Variants in TMIGD3 observed in about 807,000 individuals in gnomAD.
The protein encoded by TMIGD3 is AD026 protein (AD026).
A neutral mutation model predicts 28.1 loss-of-function variants in TMIGD3; 21 were observed. The observed-to-expected ratio is 0.75, with a 90% CI of 0.53 to 1.08. TMIGD3 has a LOEUF of 1.08. Among genes scored for constraint, TMIGD3 ranks in the 50% least tolerant of loss-of-function variants. TMIGD3 has a pLI of 0.00. For synonymous variants in TMIGD3, 151 were observed against 162.1 expected (o/e 0.93, Z 0.52); for missense variants, 416 against 435.6 (o/e 0.96, Z 0.40).
intron 1 of TMIGD3, among the ~76,000 whole-genome samples, chr1:111,549,378 G>A (rs1472365168): frequency 6.7e-6 from 1 of 150,236 alleles, no homozygotes; most frequent in African/African-American, 2.5e-5. Context: ...GCTGGGCACG[G>A]TGGCTCACGC....
intron 1 of TMIGD3, among the ~76,000 whole-genome samples, chr1:111,537,148 T>C (rs1254676078): frequency 1.3e-5 from 2 of 152,232 alleles, no homozygotes; most frequent in Non-Finnish European, 2.9e-5. Context: ...GAGTCATGTA[T>C]CACCTGCTCT....
Position 111,503,529 on chromosome 1 carries a change from C to A in TMIGD3, c.-175G>T. ...TCTGGTGGGGTGATCTCTTGGAAAC[C>A]CTTCTCCTTAGAAAGGGCTCATCAC... On this transcript the variant is annotated 5_prime_UTR_variant, in exon 1 of 6. Transcript: ENST00000369716. 2 of 1,424,972 alleles carry A rather than the reference C, an allele frequency of 1.4e-6. No individual in the cohort carries two copies. Among genetic ancestry groups the A allele is most frequent in the East Asian group, 2.6e-5 (1 of 39,096 alleles). 88.3% of individuals were successfully genotyped at this position (1,424,972 alleles called of 1,614,324 possible).
intron 1 of TMIGD3, among the ~76,000 whole-genome samples, chr1:111,495,707 G>A (rs186062673): frequency 2.0e-4 from 30 of 152,216 alleles, no homozygotes; most frequent in East Asian, 1.9e-4. Flanking sequence ...CTATCATAAT[G>A]ACACATACAT....
At chr1:111,515,797 A>G (rs1050207351) in intron 1 of TMIGD3, among the ~76,000 whole-genome samples, 2 of 151,998 alleles carry the variant, frequency 1.3e-5, no homozygotes, top group Non-Finnish European at 2.9e-5. Flanking sequence ...TCCAAGACAC[A>G]ATTTGAGGAT....
upstream of TMIGD3, among the ~76,000 whole-genome samples, chr1:111,505,870 GCTTATACC>G (rs1359716004): frequency 3.3e-5 from 5 of 152,144 alleles, no homozygotes; most frequent in Non-Finnish European, 5.9e-5. Context: ...CCTTAGAGTG[GCTTATACC>G]CTTCTGATGG....
At chr1:111,563,326 C>G (rs905432447) in intron 1 of TMIGD3, among the ~76,000 whole-genome samples, 1 of 152,112 alleles carries the variant, frequency 6.6e-6, no homozygotes, top group African/African-American at 2.4e-5. Context: ...AGTCTGTGCT[C>G]TTAACAACAA....
intron 1 of TMIGD3, among the ~76,000 whole-genome samples, chr1:111,559,766 A>G (rs886796725): frequency 2.6e-5 from 4 of 152,216 alleles, no homozygotes; most frequent in East Asian, 1.9e-4. Context: ...CCTTCCTTCA[A>G]TTGGCTAAAA....
chr1:111,511,284 C>T (rs2100994471), intron 1 of TMIGD3, among the ~76,000 whole-genome samples: 1 of 152,336 alleles, frequency 6.6e-6, no homozygotes, highest in East Asian at 1.9e-4. Flanking sequence ...CTTCCTCCCA[C>T]TTCCCTTCTC....
In TMIGD3 at chr1:111,483,672, T is replaced by C; in HGVS notation, c.*15A>G. The C allele has an allele frequency of 6.2e-7, 1 of 1,601,662 alleles. No homozygotes were observed. The highest frequency in any genetic ancestry group is 1.7e-4 in the Middle Eastern group (1 of 6,032). On this transcript the variant is annotated 3_prime_UTR_variant, in exon 6 of 6. Transcript: ENST00000369716. ...TGTAGCATCACTTTATGAACTAAAT[T>C]AAAAAAATCTTCAGTCACATCTGTT...
intron 1 of TMIGD3, among the ~76,000 whole-genome samples, chr1:111,518,598 G>A (rs1272202065): frequency 1.3e-5 from 2 of 152,208 alleles, no homozygotes; most frequent in Middle Eastern, 3.2e-3. Context: ...GAGAGGCTAA[G>A]CGATTTTCCC....
intron 1 of TMIGD3, among the ~76,000 whole-genome samples, chr1:111,491,760 CAT>C (rs1159416405): frequency 6.6e-6 from 1 of 152,172 alleles, no homozygotes; most frequent in African/African-American, 2.4e-5. Flanking sequence ...ACTTAAGAGA[CAT>C]ATGACAAATT....
chr1:111,501,867 A>G (rs116119854), intron 1 of TMIGD3, among the ~76,000 whole-genome samples: 87 of 151,916 alleles, frequency 5.7e-4, no homozygotes, highest in African/African-American at 1.6e-3. Context: ...CACGAGACCA[A>G]TGCAATTTAG....
chr1:111,537,822 A>G (rs2101020543), intron 1 of TMIGD3, among the ~76,000 whole-genome samples: 2 of 152,388 alleles, frequency 1.3e-5, no homozygotes, highest in Middle Eastern at 3.4e-3. Context: ...AATTAAAACA[A>G]TGTAATTAGC....
At chr1:111,487,131 G>T (rs546338937) in intron 3 of TMIGD3, among the ~76,000 whole-genome samples, 1 of 152,152 alleles carries the variant, frequency 6.6e-6, no homozygotes, top group African/African-American at 2.4e-5. Flanking sequence ...GTGGCACCAC[G>T]ACCACCTACG....
chr1:111,542,271 G>A (rs1285551489), intron 1 of TMIGD3: 3 of 601,934 alleles, frequency 5.0e-6, no homozygotes, highest in Non-Finnish European at 9.3e-6. Context: ...CCGTATTTCA[G>A]GATCAGACCT....
At chr1:111,556,499 C>G (rs1657498217) in intron 1 of TMIGD3, among the ~76,000 whole-genome samples, 1 of 152,088 alleles carries the variant, frequency 6.6e-6, no homozygotes, top group Non-Finnish European at 1.5e-5. Context: ...GGAGGCAACC[C>G]AAATGTGTAT....
intron 1 of TMIGD3, among the ~76,000 whole-genome samples, chr1:111,529,521 C>T (rs1412469287): frequency 4.0e-5 from 6 of 149,124 alleles, no homozygotes; most frequent in East Asian, 2.0e-4. Context: ...TGCGGCCTTC[C>T]GCAGTGTTTG....
chr1:111,531,116 A>C (rs1314040007), intron 1 of TMIGD3, among the ~76,000 whole-genome samples: 1 of 152,176 alleles, frequency 6.6e-6, no homozygotes, highest in Non-Finnish European at 1.5e-5. Flanking sequence ...CGTCTCTACA[A>C]AAAATGCAAA....
chr1:111,511,002 C>T (rs1251101562), intron 1 of TMIGD3, among the ~76,000 whole-genome samples: 1 of 152,190 alleles, frequency 6.6e-6, no homozygotes, highest in African/African-American at 2.4e-5. Context: ...GAAATGCTTC[C>T]TTAGGAATCG....
Sources: allele counts gnomAD v4.1 joint callset (sites outside exome capture counted in the v4.1 genomes callset), GRCh38; gene constraint gnomAD v4.1.1; transcripts MANE v1.5; gene names NCBI Gene and HGNC (gene_info 2026-07-23, HGNC 2026-07-21).